The following CPNE4 variants were observed in gnomAD, a reference collection of about 807,000 sequenced individuals.
CPNE4 encodes the protein copine 4.
CPNE4 carries 25 observed loss-of-function variants against 67.9 expected under a neutral mutation model. That is an observed-to-expected ratio of 0.37 (90% confidence interval 0.27 to 0.51). The LOEUF is 0.51. Among genes scored for constraint, CPNE4 ranks in the 20% least tolerant of loss-of-function variants. CPNE4 has a pLI of 0.93. For synonymous variants in CPNE4, 242 were observed against 244.9 expected (o/e 0.99, Z 0.11); for missense variants, 464 against 690.8 (o/e 0.67, Z 3.68).
intron 3 of CPNE4, among the ~76,000 whole-genome samples, chr3:131,703,501 T>C (rs894562906): frequency 6.6e-6 from 1 of 152,200 alleles, no homozygotes; most frequent in Non-Finnish European, 1.5e-5. Context: ...GAGAAGTGGT[T>C]CTTCTCTAGC....
chr3:131,545,210 A>G (rs1182948624), intron 14 of CPNE4, among the ~76,000 whole-genome samples: 3 of 152,308 alleles, frequency 2.0e-5, no homozygotes, highest in Non-Finnish European at 4.4e-5. Context: ...CAAAATCTTC[A>G]TATGTCACAA....
At chr3:131,891,578 T>A (rs1176619723) in intron 2 of CPNE4, among the ~76,000 whole-genome samples, 1 of 151,970 alleles carries the variant, frequency 6.6e-6, no homozygotes, top group Admixed American at 6.6e-5. Context: ...TCCTCCCACC[T>A]TTCACCCTCC....
At chr3:131,983,009 TTCA>T (rs1467609581) in intron 1 of CPNE4, among the ~76,000 whole-genome samples, 1 of 152,108 alleles carries the variant, frequency 6.6e-6, no homozygotes, top group Non-Finnish European at 1.5e-5. Context: ...ATTTAATTAC[TTCA>T]TCATTTTTAT....
At chr3:132,032,358 C>T (rs1180330265) in intron 1 of CPNE4, among the ~76,000 whole-genome samples, 1 of 152,172 alleles carries the variant, frequency 6.6e-6, no homozygotes, top group Non-Finnish European at 1.5e-5. Context: ...GGAGTTTTTA[C>T]TTGTTAACAC....
chr3:131,867,801 A>G (rs1268423052), intron 2 of CPNE4, among the ~76,000 whole-genome samples: 1 of 152,126 alleles, frequency 6.6e-6, no homozygotes, highest in Non-Finnish European at 1.5e-5. Context: ...GCATTTCCTC[A>G]TCTGTAAAAT....
chr3:131,599,987 G>T (rs1939112347), intron 7 of CPNE4, among the ~76,000 whole-genome samples: 1 of 152,104 alleles, frequency 6.6e-6, no homozygotes, highest in African/African-American at 2.4e-5. Flanking sequence ...GATGAAACAA[G>T]AGCCCCAGGA....
chr3:131,873,777 G>A (rs1419254381), intron 2 of CPNE4, among the ~76,000 whole-genome samples: 2 of 152,160 alleles, frequency 1.3e-5, no homozygotes, highest in Non-Finnish European at 2.9e-5. Context: ...GATGCATTGA[G>A]CCCCAGGACA....
intron 1 of CPNE4, among the ~76,000 whole-genome samples, chr3:131,948,403 A>G (rs2071623310): frequency 6.6e-6 from 1 of 152,168 alleles, no homozygotes; most frequent in African/African-American, 2.4e-5. Context: ...CCAAGATTGT[A>G]AGTTTCCTGA....
intron 1 of CPNE4, among the ~76,000 whole-genome samples, chr3:131,995,655 C>T (rs559132158): frequency 5.9e-5 from 9 of 152,286 alleles, no homozygotes; most frequent in Admixed American, 1.3e-4. Flanking sequence ...TTTAGCCTGG[C>T]GACTGCCTAG....
At chr3:132,020,683 A>C (rs1560797773) in intron 1 of CPNE4, among the ~76,000 whole-genome samples, 1 of 152,204 alleles carries the variant, frequency 6.6e-6, no homozygotes, top group Non-Finnish European at 1.5e-5. Context: ...TAATTCATCC[A>C]TAGCTCTCCA....
At position 131,723,539 on chromosome 3, in the gene CPNE4, C is replaced by T. The variant is rs199872100; in HGVS notation, c.267G>A (p.Gln89=). The T allele has an allele frequency of 3.6e-5, 58 of 1,613,964 alleles. No individual in the cohort carries two copies. The highest frequency in any genetic ancestry group is 4.7e-5 in the Non-Finnish European group (55 of 1,180,016). The part of the protein sequence containing the change: ...FTVDFYFEEV[Q]RLRFEVHDIS... ...TGTCATGGACTTCAAACCGCAGGCG[C>T]TGCACCTCCTCAAAGTAAAAGTCCA... Residue 89 remains glutamine, a synonymous_variant, in exon 3 of 16, where the codon CAG becomes CAA. Transcript: ENST00000429747.
intron 14 of CPNE4, among the ~76,000 whole-genome samples, chr3:131,545,375 T>C (rs1935769900): frequency 6.6e-6 from 1 of 152,242 alleles, no homozygotes; most frequent in Admixed American, 6.5e-5. Context: ...CATGGACTAC[T>C]GCAAGATTTA....
intron 2 of CPNE4, among the ~76,000 whole-genome samples, chr3:131,748,280 T>C (rs2107792260): frequency 6.6e-6 from 1 of 152,192 alleles, no homozygotes; most frequent in South Asian, 2.1e-4. Flanking sequence ...AATTTTAAAC[T>C]AGTCCTATAT....
At chr3:131,688,177 TG>T (rs1297855507) in intron 5 of CPNE4, among the ~76,000 whole-genome samples, 1 of 152,056 alleles carries the variant, frequency 6.6e-6, no homozygotes, top group East Asian at 1.9e-4. Context: ...AGATGAGAGG[TG>T]GGAATAACTA....
chr3:131,534,998 T>C lies in CPNE4; in HGVS notation c.*197A>G. 7.2e-6 allele frequency: 3 copies of C among 415,088 alleles called. No individual in the cohort carries two copies. Among genetic ancestry groups the C allele is most frequent in the Non-Finnish European group, 4.2e-6 (1 of 237,446 alleles). 25.7% of individuals were successfully genotyped at this position (415,088 alleles called of 1,614,324 possible). A position where few individuals can be genotyped will look rare whatever the true frequency, so the allele number is the denominator to read the frequency against. On this transcript the variant is annotated 3_prime_UTR_variant, in exon 16 of 16. Coordinates refer to ENST00000429747, the MANE Select transcript of CPNE4 (RefSeq NM_130808.3). ...GTGTTTCTTTGTAAAAAGTTAACAA[T>C]ACAAGGGCTTAACAGATCCAGGCCT...
chr3:132,035,782 T>C (rs536528873), upstream of CPNE4, among the ~76,000 whole-genome samples: 21 of 152,358 alleles, frequency 1.4e-4, no homozygotes, highest in African/African-American at 4.8e-4. Flanking sequence ...ACATTGGTAT[T>C]GTCAGACTCA....
At chr3:131,947,978 A>G (rs2071606638) in intron 1 of CPNE4, among the ~76,000 whole-genome samples, 1 of 152,350 alleles carries the variant, frequency 6.6e-6, no homozygotes, top group East Asian at 1.9e-4. Flanking sequence ...TTTGAATAGT[A>G]CTAAAGTTTT....
chr3:131,940,484 T>G lies in CPNE4; in HGVS notation c.-1-35040A>C, dbSNP rs2071354659. 3.3e-5 allele frequency among the ~76,000 whole-genome samples: 5 copies of G among 152,108 alleles called. No homozygotes were observed. In the South Asian group the frequency reaches 1.0e-3, roughly 31 times the overall value. On this transcript the variant is annotated intron_variant, in intron 1 of 15. Transcript: ENST00000429747. The stretch of plus-strand genomic sequence containing the variant: ...ATAAAAAGCATAATAAAATATATTT[T>G]AAAGAAAACTACATGAACTCTGGTA...
At chr3:131,985,048 C>T (rs2073007972) in intron 1 of CPNE4, among the ~76,000 whole-genome samples, 1 of 152,192 alleles carries the variant, frequency 6.6e-6, no homozygotes, top group African/African-American at 2.4e-5. Context: ...TCTCAAAGTT[C>T]TGGATACTGA....
Sources: gnomAD v4.1 joint callset for allele counts (sites outside exome capture counted in the v4.1 genomes callset) on GRCh38, gnomAD v4.1.1 for gene constraint, MANE v1.5 for transcripts, NCBI Gene and HGNC (gene_info 2026-07-23, HGNC 2026-07-21) for gene names.